GMPS: variants seen among roughly 807,000 people sequenced by gnomAD.
GMPS encodes guanosine monophosphate synthase.
GMPS carries 15 observed loss-of-function variants against 77.9 expected under a neutral mutation model. The observed-to-expected ratio is 0.19, with a 90% CI of 0.13 to 0.30. GMPS has a LOEUF of 0.30. Ranked by LOEUF, GMPS falls within the 10% of genes least tolerant of loss-of-function variation. The pLI, the probability that GMPS is intolerant of heterozygous loss-of-function variation, is 1.00. For missense variants in GMPS, 590 were observed against 838.8 expected (o/e 0.70, Z 3.66); for synonymous variants, 224 against 275.9 (o/e 0.81, Z 1.86).
intron 5 of GMPS, 113 bp from the exon 6 acceptor site, chr3:155,910,568 CAAAAAAAAAAA>C (rs772197752): frequency 3.9e-6 from 1 of 258,414 alleles, no homozygotes; most frequent in Admixed American, 8.8e-5. Context: ...GACTCTGTCT[CAAAAAAAAAAA>C]AAAAAAAAAA....
chr3:155,928,058 G>T (rs2108136719), intron 12 of GMPS, among the ~76,000 whole-genome samples: 1 of 94,172 alleles, frequency 1.1e-5, no homozygotes, highest in Non-Finnish European at 1.9e-5. Flanking sequence ...ATGGAGTCTT[G>T]CTCTGTCACC....
At chr3:155,897,876 C>T in intron 2 of GMPS, 51 bp from the exon 3 acceptor site, 1 of 914,726 alleles carries the variant, frequency 1.1e-6, no homozygotes, top group South Asian at 1.3e-5. Context: ...GGGCATAGAC[C>T]TTGTATAAAA....
intron 1 of GMPS, among the ~76,000 whole-genome samples, chr3:155,874,364 G>C (rs560410712): frequency 1.4e-4 from 22 of 152,242 alleles, no homozygotes; most frequent in African/African-American, 2.9e-4. Flanking sequence ...GATTGCATGT[G>C]ATACAGAATC....
At chr3:155,870,548 G>GAAC, upstream of GMPS, 1 of 287,972 alleles carries the variant, frequency 3.5e-6, no homozygotes, top group Non-Finnish European at 6.5e-6. Flanking sequence ...GGGCCGGCCG[G>GAAC]TTTGGCGGCG....
intron 1 of GMPS, among the ~76,000 whole-genome samples, chr3:155,883,290 G>T (rs1754253129): frequency 6.6e-6 from 1 of 152,024 alleles, no homozygotes; most frequent in African/African-American, 2.4e-5. Context: ...GCCCAGGCTG[G>T]TCTCAAACTC....
chr3:155,888,515 A>G (rs1051672305), intron 1 of GMPS, among the ~76,000 whole-genome samples: 1 of 151,328 alleles, frequency 6.6e-6, no homozygotes, highest in Admixed American at 6.6e-5. Context: ...CTGTGGCCTC[A>G]ACCTCCTGGG....
At chr3:155,922,004 A>C (rs1361186806) in intron 10 of GMPS, among the ~76,000 whole-genome samples, 183 bp from the exon 11 acceptor site, 3 of 152,182 alleles carry the variant, frequency 2.0e-5, no homozygotes, top group African/African-American at 7.2e-5. Context: ...AGAATGTTGA[A>C]GCATTCTAAA....
intron 12 of GMPS, among the ~76,000 whole-genome samples, chr3:155,928,537 C>CTT (rs201332484): frequency 4.1e-5 from 6 of 147,686 alleles, no homozygotes; most frequent in South Asian, 2.1e-4. Context: ...TTAAAATTAA[C>CTT]TTTTTTTTTT....
At chr3:155,899,420 T>A (rs1754679245) in intron 3 of GMPS, among the ~76,000 whole-genome samples, 1 of 139,278 alleles carries the variant, frequency 7.2e-6, no homozygotes, top group Non-Finnish European at 1.5e-5. Context: ...TGAGATAAGA[T>A]ACTCTTCTTT....
intron 10 of GMPS, 30 bp downstream of exon 10, chr3:155,919,368 T>A: frequency 9.4e-7 from 1 of 1,063,468 alleles, no homozygotes; most frequent in Non-Finnish European, 1.4e-6. Flanking sequence ...TTTGTTTGAT[T>A]CATCTTTAGA....
At chr3:155,899,133 C>T (rs1256103598) in intron 3 of GMPS, among the ~76,000 whole-genome samples, 8 of 151,924 alleles carry the variant, frequency 5.3e-5, no homozygotes, top group African/African-American at 1.7e-4. Flanking sequence ...TTTGGGAGGC[C>T]GAGGCGGGTG....
chr3:155,897,988 C>T lies in GMPS; in HGVS notation c.271C>T (p.Pro91Ser). The T allele has an allele frequency of 6.2e-7, 1 of 1,611,314 alleles. No individual in the cohort carries two copies. Among genetic ancestry groups the T allele is most frequent in the Non-Finnish European group, 8.5e-7 (1 of 1,177,560 alleles). The change falls in exon 3 of 16, where the codon CCA becomes TCA. Residue 91 changes from proline (P) to serine (S), a missense_variant. This residue lies in a region of GMPS where 136 missense variants were observed against 225.6 expected (regional missense o/e 0.60). Transcript: ENST00000496455. ...VYAEDAPWFD[P>S]AIFTIGKPVL... ...TGCTGAAGATGCTCCCTGGTTTGAT[C>T]CAGCAATATTCACTATTGGCAAGCC...
rs543970356 is a variant in GMPS, at chr3:155,924,080, A to G, written c.1435-1161A>G. Among the ~76,000 whole-genome samples, 127 of 152,290 alleles carry G rather than the reference A, an allele frequency of 8.3e-4. 2 individuals carry two copies. The Middle Eastern group carries it at 0.037, about 45-fold the overall frequency. On this transcript the variant is annotated intron_variant, in intron 11 of 15. Coordinates refer to ENST00000496455, the MANE Select transcript of GMPS (RefSeq NM_003875.3). Reference sequence around the variant, plus strand: ...TTTTTAGTTGAGACGGGGTTTCTCCATGTTGGTCAGGCTAGTCTCAAACTC... The same window carrying G: ...TTTTTAGTTGAGACGGGGTTTCTCCGTGTTGGTCAGGCTAGTCTCAAACTC...
intron 5 of GMPS, among the ~76,000 whole-genome samples, chr3:155,909,818 T>TGAGTA (rs1427255982): frequency 6.6e-5 from 10 of 152,116 alleles, no homozygotes; most frequent in African/African-American, 2.4e-4. Context: ...GGCATGCACC[T>TGAGTA]GTTGTTCCAG....
upstream of GMPS, among the ~76,000 whole-genome samples, chr3:155,869,738 T>C (rs1476957257): frequency 1.3e-5 from 2 of 152,218 alleles, no homozygotes; most frequent in African/African-American, 4.8e-5. Context: ...TCACTCTGGC[T>C]CCTTAATACC....
Position 155,893,593 on chromosome 3 carries a change from G to A in GMPS, c.103G>A (p.Ala35Thr). 1 of 1,612,322 alleles carries A rather than the reference G, an allele frequency of 6.2e-7. No individual in the cohort carries two copies. The highest frequency in any genetic ancestry group is 8.5e-7 in the Non-Finnish European group (1 of 1,178,398). ...EGAVVILDAG[A>T]QYGKVIDRRV... Reference sequence around the variant, plus strand: ...AGCTGTTGTCATTCTGGATGCTGGTGCTCAGTACGGGAAAGTCATAGACCG... The same window carrying A: ...AGCTGTTGTCATTCTGGATGCTGGTACTCAGTACGGGAAAGTCATAGACCG... The change falls in exon 2 of 16, where the codon GCT becomes ACT. Residue 35 changes from alanine (A) to threonine (T), a missense_variant. This residue lies in a region of GMPS where 47 missense variants were observed against 45.5 expected (regional missense o/e 1.03). Coordinates refer to ENST00000496455, the MANE Select transcript of GMPS (RefSeq NM_003875.3).
At chr3:155,910,101 C>A (rs1219930173) in intron 5 of GMPS, among the ~76,000 whole-genome samples, 2 of 151,854 alleles carry the variant, frequency 1.3e-5, no homozygotes, top group African/African-American at 2.4e-5. Context: ...AAGAAATAAG[C>A]CGAGCGTGGT....
intron 14 of GMPS, among the ~76,000 whole-genome samples, chr3:155,935,830 CTTCA>C (rs1174825679): frequency 6.6e-6 from 1 of 152,148 alleles, no homozygotes; most frequent in African/African-American, 2.4e-5. Context: ...GTTAGATAAA[CTTCA>C]TTCAGGCATG....
rs1456728874 is a variant in GMPS, at chr3:155,910,692, G to C, written c.527G>C (p.Gly176Ala). The change falls in exon 6 of 16, where the codon GGC (glycine) becomes GCC (alanine). Residue 176 changes from glycine (G) to alanine (A), a missense_variant and splice_region_variant. This residue lies in a region of GMPS where 136 missense variants were observed against 225.6 expected (regional missense o/e 0.60). Coordinates refer to ENST00000496455, the MANE Select transcript of GMPS (RefSeq NM_003875.3). ...VVARSGNIVA[G>A]IANESKKLYG... The stretch of plus-strand genomic sequence containing the variant: ...ATTTGTGACTATTTTCTCTATAAAG[G>C]CATAGCAAATGAATCTAAAAAGTTA... 4 of 1,527,612 alleles carry C rather than the reference G, an allele frequency of 2.6e-6. No individual in the cohort carries two copies. The highest frequency in any genetic ancestry group is 1.7e-4 in the Middle Eastern group (1 of 5,724). The allele number at this position is 1,527,612 out of a possible 1,614,324, so 94.6% of individuals were successfully genotyped here.
Sources: allele counts gnomAD v4.1 joint callset (sites outside exome capture counted in the v4.1 genomes callset), GRCh38; gene constraint gnomAD v4.1.1; regional missense constraint gnomAD v4.1.1; transcripts MANE v1.5; gene names NCBI Gene and HGNC (gene_info 2026-07-23, HGNC 2026-07-21).